SLC3A1: variants seen among roughly 807,000 people sequenced by gnomAD.
The protein encoded by SLC3A1 is amino acid transporter heavy chain SLC3A1.
In SLC3A1, 78 loss-of-function variants were observed where a neutral mutation model predicts 60.3. The ratio of observed to expected loss-of-function variants is 1.29; its 90% CI spans 1.08 to 1.56. SLC3A1 has a LOEUF of 1.56. Among genes scored for constraint, SLC3A1 ranks in the 40% most tolerant of loss-of-function variants. The pLI is 0.00. For missense variants in SLC3A1, 1,172 were observed against 858.9 expected, an observed-to-expected ratio of 1.36 and a Z score of -4.56; for synonymous variants, 392 against 307.9, an observed-to-expected ratio of 1.27 and a Z score of -2.86.
At chr2:44,300,939 T>C (rs189459803) in intron 5 of SLC3A1, 64 bp from the exon 6 acceptor site, 7 of 1,605,730 alleles carry the variant, frequency 4.4e-6, no homozygotes, top group Non-Finnish European at 6.0e-6. Context: ...TACATTCATA[T>C]AGAGCGAGCT....
intron 2 of SLC3A1, 95 bp downstream of exon 2, chr2:44,280,990 AT>A (rs1671484371): frequency 9.2e-7 from 1 of 1,091,114 alleles, no homozygotes; most frequent in African/African-American, 1.5e-5. Flanking sequence ...CTTAACTGTC[AT>A]ATACTATTTC....
downstream of SLC3A1, chr2:44,321,774 C>T (rs753998704): frequency 1.9e-6 from 3 of 1,613,554 alleles, no homozygotes; most frequent in South Asian, 2.2e-5. Flanking sequence ...AATGTGAAAA[C>T]AACATGTATC....
chr2:44,289,808 T>G lies in SLC3A1; in HGVS notation c.891+3651T>G, dbSNP rs572975015. 5.9e-5 allele frequency among the ~76,000 whole-genome samples: 9 copies of G among 152,092 alleles called. 1 individual carries two copies. The East Asian group carries it at 1.8e-3, about 30-fold the overall frequency. ...ACCATGCCCAGCTAATTTTTTGTAT[T>G]TTTAGTAGAGACGCGTTTTATCATG... On this transcript the variant is annotated intron_variant, in intron 4 of 9. Transcript: ENST00000260649.
rs113747315 is a variant in SLC3A1 at position 44,302,285 on chromosome 2, A to G, written c.1136+1158A>G. ...TCTCATCAATAAAAAAGTGATAGCA[A>G]TAACCTCTATAAGGCTGTTGTGAGA... On this transcript the variant is annotated intron_variant, in intron 6 of 9. Coordinates refer to ENST00000260649, the MANE Select transcript of SLC3A1 (RefSeq NM_000341.4). Among the ~76,000 whole-genome samples the G allele has an allele frequency of 4.5e-3, 683 of 152,232 alleles. 5 individuals carry two copies. The highest frequency in any genetic ancestry group is 0.016 in the African/African-American group (661 of 41,452).
intron 4 of SLC3A1, among the ~76,000 whole-genome samples, chr2:44,290,531 T>C (rs1671718913): frequency 6.6e-6 from 1 of 152,218 alleles, no homozygotes; most frequent in Non-Finnish European, 1.5e-5. Context: ...CATAGCCATC[T>C]TATGTTAAGT....
intron 7 of SLC3A1, among the ~76,000 whole-genome samples, chr2:44,308,303 T>G (rs1672208187): frequency 6.6e-6 from 1 of 152,338 alleles, no homozygotes; most frequent in South Asian, 2.1e-4. Flanking sequence ...TTTGTTATTT[T>G]TCAAGATTGT....
chr2:44,322,065 A>G (rs2241870), downstream of SLC3A1, among the ~76,000 whole-genome samples: 104,529 of 151,898 alleles, frequency 0.69, 36,789 homozygotes, highest in African/African-American at 0.8. Context: ...GGGACAAGCA[A>G]CAGAAGACAA....
intron 4 of SLC3A1, among the ~76,000 whole-genome samples, chr2:44,298,187 TA>T (rs34512765): frequency 0.74 from 112,911 of 152,034 alleles, 42,695 homozygotes; most frequent in African/African-American, 0.81. Context: ...ATCAGATCTT[TA>T]AAAAAAATGT....
At chr2:44,315,025 G>T (rs965361127) in intron 9 of SLC3A1, 4 of 137,732 alleles carry the variant, frequency 2.9e-5, no homozygotes, top group African/African-American at 1.1e-4. Flanking sequence ...TCCATCTCCT[G>T]GGTTCAAGCG....
intron 4 of SLC3A1, among the ~76,000 whole-genome samples, chr2:44,296,693 C>T (rs776707240): frequency 2.0e-5 from 3 of 152,208 alleles, no homozygotes; most frequent in Admixed American, 2.0e-4. Context: ...TCCATATTCA[C>T]GTGCAGATAG....
intron 7 of SLC3A1, among the ~76,000 whole-genome samples, 156 bp from the exon 8 acceptor site, chr2:44,312,430 C>A (rs542081103): frequency 2.6e-5 from 4 of 152,348 alleles, no homozygotes; most frequent in East Asian, 3.9e-4. Flanking sequence ...GTCAGTTACA[C>A]AGCAAATAGC....
At position 44,311,387 on chromosome 2, in the gene SLC3A1, AT is replaced by A. The variant is rs879606231; in HGVS notation, c.1333-1196del. On this transcript the variant is annotated intron_variant, in intron 7 of 9. Transcript: ENST00000260649. The stretch of plus-strand genomic sequence containing the variant: ...CCAATGTTTGGTCTTCCTAAGCAAT[AT>A]TTGCTATTGACTCCCCCCACCATTA... Among the ~76,000 whole-genome samples, 33 of 152,090 alleles carry A rather than the reference AT, an allele frequency of 2.2e-4. No individual in the cohort carries two copies. The Middle Eastern group carries it at 0.01, about 47-fold the overall frequency.
At chr2:44,278,068 C>G (rs1671390571) in intron 1 of SLC3A1, among the ~76,000 whole-genome samples, 2 of 152,098 alleles carry the variant, frequency 1.3e-5, no homozygotes, top group African/African-American at 2.4e-5. Context: ...TGGCTTAGAT[C>G]AAAACCCTCT....
At chr2:44,282,658 G>T (rs1183518985) in intron 3 of SLC3A1, among the ~76,000 whole-genome samples, 3 of 151,854 alleles carry the variant, frequency 2.0e-5, no homozygotes, top group Admixed American at 2.0e-4. Context: ...TTCAGAGACA[G>T]GGTCTTGCTC....
At chr2:44,280,928 T>C (rs775281769) in intron 2 of SLC3A1, 33 bp downstream of exon 2, 6 of 1,582,410 alleles carry the variant, frequency 3.8e-6, no homozygotes, top group Non-Finnish European at 4.3e-6. Context: ...AAGATGGGGA[T>C]GAGGTTTGAG....
intron 6 of SLC3A1, 148 bp downstream of exon 6, chr2:44,301,275 C>A (rs955678506): frequency 4.0e-6 from 4 of 1,003,222 alleles, no homozygotes; most frequent in African/African-American, 3.2e-5. Context: ...TGTACCAGGG[C>A]CTGCCATATT....
At chr2:44,299,213 A>G (rs949711089) in intron 4 of SLC3A1, among the ~76,000 whole-genome samples, 2 of 151,356 alleles carry the variant, frequency 1.3e-5, no homozygotes, top group African/African-American at 4.9e-5. Context: ...TACTTTTTGT[A>G]TTTTTAGTAG....
At chr2:44,318,414 G>A in intron 9 of SLC3A1, 1 of 179,986 alleles carries the variant, frequency 5.6e-6, no homozygotes, top group Non-Finnish European at 1.2e-5. Flanking sequence ...TTTAATAGAA[G>A]ACACAAGAAA....
chr2:44,276,980 T>C (rs1217155395), intron 1 of SLC3A1, among the ~76,000 whole-genome samples: 1 of 152,092 alleles, frequency 6.6e-6, no homozygotes, highest in Admixed American at 6.5e-5. Context: ...GATATGAATG[T>C]GGAAAGTAGG....
Sources: allele counts gnomAD v4.1 joint callset (sites outside exome capture counted in the v4.1 genomes callset), GRCh38; gene constraint gnomAD v4.1.1; transcripts MANE v1.5; gene names NCBI Gene and HGNC (gene_info 2026-07-23, HGNC 2026-07-21).